SNRPF: variants seen among roughly 807,000 people sequenced by gnomAD.
The protein encoded by SNRPF is small nuclear ribonucleoprotein polypeptide F, also known as small nuclear ribonucleoprotein F.
Under a neutral mutation model 13.4 loss-of-function variants are expected in SNRPF, and 1 was observed. That is an observed-to-expected ratio of 0.07 (90% CI 0.03 to 0.35). The LOEUF is 0.35. Ranked by LOEUF, SNRPF falls within the 10% of genes least tolerant of loss-of-function variation. SNRPF has a pLI of 0.99. For missense variants in SNRPF, 53 were observed against 101.0 expected, an observed-to-expected ratio of 0.52 and a Z score of 2.04; for synonymous variants, 27 against 32.1, an observed-to-expected ratio of 0.84 and a Z score of 0.54.
At chr12:95,863,173 C>G (rs555856400) in intron 2 of SNRPF, among the ~76,000 whole-genome samples, 1 of 152,158 alleles carries the variant, frequency 6.6e-6, no homozygotes, top group South Asian at 2.1e-4. Flanking sequence ...GCAATTACCA[C>G]CTGAGCACAT....
Position 95,866,131 on chromosome 12 carries a change from T to C in SNRPF, c.*60T>C, listed in dbSNP as rs966976234. On this transcript the variant is annotated 3_prime_UTR_variant, in exon 4 of 4. Transcript: ENST00000266735. ...CTAGACAATAAAGATTTGTTTGTTT[T>C]TCAACTTGACTTGTGAACTATTTGT... 1.4e-5 allele frequency: 12 copies of C among 858,734 alleles called. No homozygotes were observed. Among genetic ancestry groups the C allele is most frequent in the Non-Finnish European group, 2.0e-5 (11 of 540,960 alleles). The allele number at this position is 858,734 out of a possible 1,614,324, so 53.2% of individuals were successfully genotyped here. A position where few individuals can be genotyped will look rare whatever the true frequency, so the allele number is the denominator to read the frequency against.
chr12:95,865,435 G>T, intron 3 of SNRPF, 47 bp downstream of exon 3: 1 of 864,734 alleles, frequency 1.2e-6, no homozygotes, highest in Non-Finnish European at 1.9e-6. Context: ...GTGAGCATTA[G>T]GAATACCTGT....
At chr12:95,859,391 T>A (rs2121388524) in intron 1 of SNRPF, among the ~76,000 whole-genome samples, 1 of 152,332 alleles carries the variant, frequency 6.6e-6, no homozygotes, top group African/African-American at 2.4e-5. Flanking sequence ...ACTCCAGAAT[T>A]CACTTTCATT....
At chr12:95,859,512 C>T (rs535877310) in intron 1 of SNRPF, among the ~76,000 whole-genome samples, 5 of 152,140 alleles carry the variant, frequency 3.3e-5, no homozygotes, top group Non-Finnish European at 7.4e-5. Flanking sequence ...GTGCTAAGAA[C>T]AATGCAGACA....
Position 95,859,013 on chromosome 12 carries a change from C to G in SNRPF, c.-61C>G. The G allele has an allele frequency of 1.2e-6, 2 of 1,606,524 alleles. No individual in the cohort carries two copies. Among genetic ancestry groups the G allele is most frequent in the Non-Finnish European group, 1.7e-6 (2 of 1,177,568 alleles). On this transcript the variant is annotated 5_prime_UTR_variant, in exon 1 of 4. Coordinates refer to ENST00000266735, the MANE Select transcript of SNRPF (RefSeq NM_003095.5). ...GGACCTGCGGTACCTGCTGTAGTCA[C>G]GAGGGACGGGCGGCGGCCTGGTCGG...
At chr12:95,860,017 G>T (rs560977062) in intron 1 of SNRPF, among the ~76,000 whole-genome samples, 1 of 152,302 alleles carries the variant, frequency 6.6e-6, no homozygotes, top group Non-Finnish European at 1.5e-5. Flanking sequence ...ATGTTAGAGG[G>T]GGTTAGTAGC....
In SNRPF at chr12:95,860,642, C is replaced by T. The variant is rs146410781; in HGVS notation, c.4-526C>T. Among the ~76,000 whole-genome samples the T allele has an allele frequency of 6.1e-3, 925 of 152,166 alleles. 6 individuals are homozygous for T. The highest frequency in any genetic ancestry group is 0.021 in the African/African-American group (867 of 41,504). On this transcript the variant is annotated intron_variant, in intron 1 of 3. Transcript: ENST00000266735. ...GCCTAATCATAGCTCACTGCAGCCTCGAGCTCCTGGGTTCAAGCAGTCCTC... is the reference window on the plus strand; with the variant it reads ...GCCTAATCATAGCTCACTGCAGCCTTGAGCTCCTGGGTTCAAGCAGTCCTC...
chr12:95,860,452 C>G (rs952572341), intron 1 of SNRPF, among the ~76,000 whole-genome samples: 3 of 152,178 alleles, frequency 2.0e-5, no homozygotes, highest in Non-Finnish European at 4.4e-5. Flanking sequence ...TGCTTTGGTA[C>G]CCTTGTGCCT....
At position 95,865,333 on chromosome 12, in the gene SNRPF, A is replaced by G; in HGVS notation, c.139A>G (p.Thr47Ala). The G allele has an allele frequency of 6.5e-7, 1 of 1,536,392 alleles. No individual in the cohort carries two copies. The highest frequency in any genetic ancestry group is 9.0e-7 in the Non-Finnish European group (1 of 1,111,444). ...DGYMNMQLAN[T>A]EEYIDGALSG... is the part of the protein sequence containing the mutation. ...TTCTTTTTATTGAAAGCTTGCAAAT[A>G]CAGAAGAATACATAGATGGAGCTTT... The change falls in exon 3 of 4, where the codon ACA (threonine) becomes GCA (alanine). Residue 47 changes from threonine (T) to alanine (A), a missense_variant. Coordinates refer to ENST00000266735, the MANE Select transcript of SNRPF (RefSeq NM_003095.5).
rs1257528593 is a variant in SNRPF, at chr12:95,864,469, C to T, written c.130-855C>T. 3.3e-5 allele frequency among the ~76,000 whole-genome samples: 5 copies of T among 152,220 alleles called. No homozygotes were observed. In the South Asian group the frequency reaches 6.2e-4, roughly 19 times the overall value. ...AACTGTAGGTAAAGTAAGAAGAGCTCAGACATTCGATTCATAATAATACCA... is the reference window on the plus strand; with the variant it reads ...AACTGTAGGTAAAGTAAGAAGAGCTTAGACATTCGATTCATAATAATACCA... On this transcript the variant is annotated intron_variant, in intron 2 of 3. Transcript: ENST00000266735.
At chr12:95,865,229 A>C (rs1233928259) in intron 2 of SNRPF, 95 bp from the exon 3 acceptor site, 1 of 543,040 alleles carries the variant, frequency 1.8e-6, no homozygotes, top group Non-Finnish European at 3.3e-6. Flanking sequence ...TTGGTATAGA[A>C]AGGTCTCAGT....
At chr12:95,861,321 A>C in intron 2 of SNRPF, 28 bp downstream of exon 2, 1 of 1,594,738 alleles carries the variant, frequency 6.3e-7, no homozygotes, top group South Asian at 1.1e-5. Context: ...AAAGGTCATA[A>C]CATTGCATTT....
chr12:95,862,441 T>C (rs1407599373), intron 2 of SNRPF, among the ~76,000 whole-genome samples: 2 of 152,102 alleles, frequency 1.3e-5, no homozygotes, highest in Non-Finnish European at 2.9e-5. Flanking sequence ...AGGCCAAGCG[T>C]GGTGGCTCAT....
At chr12:95,863,969 T>C (rs1384658070) in intron 2 of SNRPF, among the ~76,000 whole-genome samples, 5 of 152,222 alleles carry the variant, frequency 3.3e-5, no homozygotes, top group African/African-American at 1.2e-4. Context: ...GTGAAGAACA[T>C]GATAGAAAGT....
intron 1 of SNRPF, 60 bp downstream of exon 1, chr12:95,859,136 C>G (rs2079480917): frequency 2.1e-6 from 3 of 1,440,564 alleles, no homozygotes; most frequent in South Asian, 2.3e-5. Context: ...AGACCAGCCT[C>G]GCGGGGCCTG....
At chr12:95,861,425 G>T in intron 2 of SNRPF, 132 bp downstream of exon 2, 1 of 776,452 alleles carries the variant, frequency 1.3e-6, no homozygotes. Flanking sequence ...CAAAAATAAA[G>T]TCAAAGCCAG....
chr12:95,859,836 A>G (rs2079486379), intron 1 of SNRPF, among the ~76,000 whole-genome samples: 1 of 152,224 alleles, frequency 6.6e-6, no homozygotes, highest in Non-Finnish European at 1.5e-5. Context: ...AAATCAATTT[A>G]AAATGATTCG....
chr12:95,860,594 G>A (rs1408630535), intron 1 of SNRPF, among the ~76,000 whole-genome samples: 2 of 152,162 alleles, frequency 1.3e-5, no homozygotes, highest in African/African-American at 2.4e-5. Context: ...GTCTTGCTCT[G>A]TTGCCCAGGC....
At chr12:95,861,405 C>T (rs749779188) in intron 2 of SNRPF, 112 bp downstream of exon 2, 217 of 1,013,934 alleles carry the variant, frequency 2.1e-4, no homozygotes, top group Non-Finnish European at 2.6e-4. Context: ...GACAAATATA[C>T]GGCAAAATTC....
Sources: allele counts gnomAD v4.1 joint callset (sites outside exome capture counted in the v4.1 genomes callset), GRCh38; gene constraint gnomAD v4.1.1; transcripts MANE v1.5; gene names NCBI Gene and HGNC (gene_info 2026-07-23, HGNC 2026-07-21).